Variants in EPHA6 observed in about 807,000 individuals in gnomAD.
The protein encoded by EPHA6 is EPH receptor A6.
Under a neutral mutation model 112.0 loss-of-function variants are expected in EPHA6, and 50 were observed. The ratio of observed to expected loss-of-function variants is 0.45; its 90% CI spans 0.36 to 0.56. The LOEUF (loss-of-function observed/expected upper bound fraction) is 0.56, where lower values mean the gene tolerates loss of function less well. EPHA6 is among the 20% of genes least tolerant of loss of function. The pLI is 0.00. For missense variants in EPHA6, 1,280 were observed against 1,417.4 expected (o/e 0.90, Z 1.56); for synonymous variants, 529 against 490.7 (o/e 1.08, Z -1.03).
intron 3 of EPHA6, among the ~76,000 whole-genome samples, chr3:97,002,277 A>G (rs1049864896): frequency 2.0e-5 from 3 of 151,768 alleles, no homozygotes; most frequent in South Asian, 4.1e-4. Context: ...GCATTTATAT[A>G]TAGATTGCTA....
At chr3:96,876,783 C>T (rs62262949) in intron 2 of EPHA6, among the ~76,000 whole-genome samples, 4,564 of 152,136 alleles carry the variant, frequency 0.03, 103 homozygotes, top group Middle Eastern at 0.068. Flanking sequence ...CTCTTCACTC[C>T]AACCCCCACT....
chr3:97,246,758 GCATCTACCTCCATGT>G (rs1452207039), intron 5 of EPHA6, among the ~76,000 whole-genome samples: 1 of 151,638 alleles, frequency 6.6e-6, no homozygotes, highest in Non-Finnish European at 1.5e-5. Context: ...TTAAATATAA[GCATCTACCTCCATGT>G]CATAATTTTG....
intron 5 of EPHA6, among the ~76,000 whole-genome samples, chr3:97,300,236 G>T (rs748728020): frequency 6.6e-6 from 1 of 152,036 alleles, no homozygotes; most frequent in Non-Finnish European, 1.5e-5. Flanking sequence ...ATCTTCAGTT[G>T]TCTTAAAAAC....
intron 11 of EPHA6, among the ~76,000 whole-genome samples, chr3:97,532,771 TA>T (rs2092710347): frequency 6.6e-6 from 1 of 152,054 alleles, no homozygotes; most frequent in Admixed American, 6.6e-5. Flanking sequence ...TAACATAACT[TA>T]AAGTAATGAA....
At chr3:97,233,145 G>A (rs566888420) in intron 4 of EPHA6, among the ~76,000 whole-genome samples, 1 of 152,134 alleles carries the variant, frequency 6.6e-6, no homozygotes, top group African/African-American at 2.4e-5. Flanking sequence ...TAGTTTAACA[G>A]CCACCTGACC....
chr3:97,708,299 A>C (rs2033788181), intron 14 of EPHA6, among the ~76,000 whole-genome samples: 1 of 152,228 alleles, frequency 6.6e-6, no homozygotes, highest in African/African-American at 2.4e-5. Flanking sequence ...CAAAGAGACC[A>C]CTGACATTTT....
chr3:97,396,257 C>A (rs1011193970), intron 5 of EPHA6, among the ~76,000 whole-genome samples: 1 of 149,854 alleles, frequency 6.7e-6, no homozygotes, highest in African/African-American at 2.5e-5. Flanking sequence ...CACATATGCA[C>A]GCATGCACAC....
intron 14 of EPHA6, among the ~76,000 whole-genome samples, chr3:97,716,174 T>C (rs1017721384): frequency 6.6e-6 from 1 of 152,242 alleles, no homozygotes; most frequent in African/African-American, 2.4e-5. Flanking sequence ...AAAAGTACCT[T>C]AGTGCATTAC....
At position 97,089,229 on chromosome 3, in the gene EPHA6, A is replaced by G. The variant is rs866058631; in HGVS notation, c.1114+101236A>G. ...GCTGAATATAAGGTATAACTCTTAC[A>G]TGTCTGAAAAACAGACAAAAACTAA... On this transcript the variant is annotated intron_variant, in intron 3 of 17. Transcript: ENST00000389672. 3.9e-5 allele frequency among the ~76,000 whole-genome samples: 6 copies of G among 152,310 alleles called. No individual in the cohort carries two copies. The South Asian group carries it at 1.0e-3, about 26-fold the overall frequency.
At chr3:96,877,547 A>G (rs2037040233) in intron 2 of EPHA6, among the ~76,000 whole-genome samples, 1 of 152,050 alleles carries the variant, frequency 6.6e-6, no homozygotes. Context: ...AGAATAAAAA[A>G]TAGAACATAT....
intron 6 of EPHA6, among the ~76,000 whole-genome samples, chr3:97,438,505 A>T (rs1169820896): frequency 6.6e-6 from 1 of 152,182 alleles, no homozygotes; most frequent in African/African-American, 2.4e-5. Flanking sequence ...TGCTCTAATA[A>T]TATTTAAGAA....
intron 2 of EPHA6, among the ~76,000 whole-genome samples, chr3:96,873,074 C>A (rs543233734): frequency 2.0e-5 from 3 of 152,078 alleles, no homozygotes; most frequent in South Asian, 4.1e-4. Flanking sequence ...TCGAGACCAA[C>A]CTGGCCAACA....
At chr3:97,553,636 C>T (rs1011523685) in intron 11 of EPHA6, among the ~76,000 whole-genome samples, 1 of 152,086 alleles carries the variant, frequency 6.6e-6, no homozygotes, top group South Asian at 2.1e-4. Flanking sequence ...AAACCGCCCC[C>T]GTGATCCAAT....
At chr3:96,850,506 A>G (rs1164430465) in intron 1 of EPHA6, among the ~76,000 whole-genome samples, 1 of 152,120 alleles carries the variant, frequency 6.6e-6, no homozygotes, top group African/African-American at 2.4e-5. Flanking sequence ...ACTAATTGGA[A>G]GAGGCACAAA....
At chr3:97,165,378 T>C (rs1417309892) in intron 3 of EPHA6, among the ~76,000 whole-genome samples, 2 of 152,154 alleles carry the variant, frequency 1.3e-5, no homozygotes, top group African/African-American at 4.8e-5. Context: ...TTATAAACAG[T>C]ATACCTTCTG....
chr3:97,289,680 C>A (rs1307081762), intron 5 of EPHA6, among the ~76,000 whole-genome samples: 1 of 152,026 alleles, frequency 6.6e-6, no homozygotes, highest in Non-Finnish European at 1.5e-5. Context: ...GTTATTGATT[C>A]TTCCAATCCA....
At chr3:96,817,794 G>A (rs550638103) in intron 1 of EPHA6, among the ~76,000 whole-genome samples, 1 of 151,874 alleles carries the variant, frequency 6.6e-6, no homozygotes, top group African/African-American at 2.4e-5. Context: ...CATAAGCAAG[G>A]TAAAATGATG....
At chr3:97,144,031 GGTT>G (rs2075976996) in intron 3 of EPHA6, among the ~76,000 whole-genome samples, 1 of 151,712 alleles carries the variant, frequency 6.6e-6, no homozygotes, top group African/African-American at 2.4e-5. Context: ...CTTTGTGCAA[GGTT>G]GTGGTTTTTG....
intron 2 of EPHA6, among the ~76,000 whole-genome samples, chr3:96,954,809 C>G (rs199952083): frequency 2.3e-5 from 2 of 87,088 alleles, no homozygotes; most frequent in African/African-American, 9.5e-5. Flanking sequence ...TTTTTTGAGA[C>G]GGAGTCTCGC....
Sources: allele counts gnomAD v4.1 joint callset (sites outside exome capture counted in the v4.1 genomes callset), GRCh38; gene constraint gnomAD v4.1.1; transcripts MANE v1.5; gene names NCBI Gene and HGNC (gene_info 2026-07-23, HGNC 2026-07-21).